ARHGAP15: variants seen among roughly 807,000 people sequenced by gnomAD.
ARHGAP15 encodes the protein Rho GTPase activating protein 15.
ARHGAP15 carries 51 observed loss-of-function variants against 63.7 expected under a neutral mutation model. The ratio of observed to expected loss-of-function variants is 0.80; its 90% CI spans 0.64 to 1.01. The LOEUF (loss-of-function observed/expected upper bound fraction) is 1.01, where lower values mean the gene tolerates loss of function less well. Ranked by LOEUF, ARHGAP15 falls within the 50% of genes least tolerant of loss-of-function variation. The pLI, the probability that ARHGAP15 is intolerant of heterozygous loss-of-function variation, is 0.00. For synonymous variants in ARHGAP15, 191 were observed against 193.8 expected (o/e 0.99, Z 0.12); for missense variants, 560 against 564.6 (o/e 0.99, Z 0.08).
chr2:143,268,165 A>G lies in ARHGAP15; in HGVS notation c.474+17565A>G, dbSNP rs562976938. ...GTAACTATCATGGCAAACTAATTTT[A>G]TAGAGTGTAGTTTTTTTTTTTTTTC... On this transcript the variant is annotated intron_variant, in intron 6 of 13. Coordinates refer to ENST00000295095, the MANE Select transcript of ARHGAP15 (RefSeq NM_018460.4). 7.3e-5 allele frequency among the ~76,000 whole-genome samples: 11 copies of G among 151,510 alleles called. No homozygotes were observed. In the South Asian group the frequency reaches 2.1e-3, roughly 29 times the overall value.
Position 143,305,212 on chromosome 2 carries a change from C to T in ARHGAP15, c.474+54612C>T, listed in dbSNP as rs559940242. Among the ~76,000 whole-genome samples the T allele has an allele frequency of 4.2e-4, 63 of 150,878 alleles. 1 individual carries two copies. Among genetic ancestry groups the T allele is most frequent in the African/African-American group, 1.5e-3 (62 of 41,044 alleles). On this transcript the variant is annotated intron_variant, in intron 6 of 13. Coordinates refer to ENST00000295095, the MANE Select transcript of ARHGAP15 (RefSeq NM_018460.4). ...TGAAGCTGGAAACCATCATTCTCAGCAAACTAACACAGGAAGAGAAAACAA... is the reference window on the plus strand; with the variant it reads ...TGAAGCTGGAAACCATCATTCTCAGTAAACTAACACAGGAAGAGAAAACAA...
At chr2:143,136,362 A>T (rs1689141717) in intron 1 of ARHGAP15, among the ~76,000 whole-genome samples, 1 of 151,370 alleles carries the variant, frequency 6.6e-6, no homozygotes, top group African/African-American at 2.4e-5. Flanking sequence ...TGACTTTTCT[A>T]AAAAAATCTT....
chr2:143,466,114 G>A (rs968583237), intron 8 of ARHGAP15, among the ~76,000 whole-genome samples: 4 of 151,672 alleles, frequency 2.6e-5, no homozygotes, highest in African/African-American at 4.8e-5. Flanking sequence ...GGGTGAGCTC[G>A]GGTCCCAGCA....
At position 143,298,760 on chromosome 2, in the gene ARHGAP15, T is replaced by G. The variant is rs567587882; in HGVS notation, c.474+48160T>G. On this transcript the variant is annotated intron_variant, in intron 6 of 13. Coordinates refer to ENST00000295095, the MANE Select transcript of ARHGAP15 (RefSeq NM_018460.4). Reference sequence around the variant, plus strand: ...TTGGGAAGTGATTATCACAATAATTTACATATTATAAATTATCAAAGTAAA... The same window carrying G: ...TTGGGAAGTGATTATCACAATAATTGACATATTATAAATTATCAAAGTAAA... Among the ~76,000 whole-genome samples the G allele has an allele frequency of 6.8e-4, 103 of 152,104 alleles. 1 individual carries two copies. The South Asian group carries it at 0.021, about 31-fold the overall frequency.
intron 10 of ARHGAP15, among the ~76,000 whole-genome samples, chr2:143,539,824 A>T (rs139092073): frequency 0.33 from 50,328 of 151,132 alleles, 8,611 homozygotes; most frequent in East Asian, 0.42. Context: ...TTGGAATAGG[A>T]GTGGTGTGGT....
chr2:143,566,080 G>A (rs1014028810), intron 11 of ARHGAP15, among the ~76,000 whole-genome samples: 3 of 144,452 alleles, frequency 2.1e-5, no homozygotes, highest in Non-Finnish European at 3.0e-5. Context: ...AGTAACAGTT[G>A]CAGAGATGGG....
intron 5 of ARHGAP15, among the ~76,000 whole-genome samples, chr2:143,235,742 A>G (rs1693617415): frequency 1.3e-5 from 2 of 152,158 alleles, no homozygotes; most frequent in Non-Finnish European, 2.9e-5. Context: ...AAGCACCCAC[A>G]CTAGTGTTTG....
chr2:143,334,374 T>G (rs948920766), intron 6 of ARHGAP15, among the ~76,000 whole-genome samples: 1 of 152,340 alleles, frequency 6.6e-6, no homozygotes, highest in South Asian at 2.1e-4. Context: ...CCTTATTTTT[T>G]TCTAGACTTA....
At chr2:143,475,976 G>A (rs746555357) in intron 8 of ARHGAP15, among the ~76,000 whole-genome samples, 3 of 152,170 alleles carry the variant, frequency 2.0e-5, no homozygotes, top group Non-Finnish European at 2.9e-5. Flanking sequence ...TTAAAGCATT[G>A]TTGGAGTTAA....
intron 11 of ARHGAP15, among the ~76,000 whole-genome samples, chr2:143,560,381 A>G (rs907709333): frequency 6.6e-6 from 1 of 152,196 alleles, no homozygotes; most frequent in African/African-American, 2.4e-5. Flanking sequence ...CATCCCATAG[A>G]GTAGGCACTA....
chr2:143,645,329 A>G (rs1159269021), intron 12 of ARHGAP15, among the ~76,000 whole-genome samples: 2 of 152,094 alleles, frequency 1.3e-5, no homozygotes, highest in African/African-American at 2.4e-5. Context: ...TTTGTACCAT[A>G]TAATTATTAT....
chr2:143,227,421 C>T (rs1259140819), intron 4 of ARHGAP15, among the ~76,000 whole-genome samples: 2 of 152,104 alleles, frequency 1.3e-5, no homozygotes, highest in Admixed American at 6.5e-5. Flanking sequence ...TAAAGATGAA[C>T]TGATTTCTAC....
At chr2:143,720,983 G>A (rs1685029507) in intron 13 of ARHGAP15, among the ~76,000 whole-genome samples, 1 of 149,704 alleles carries the variant, frequency 6.7e-6, no homozygotes, top group Non-Finnish European at 1.5e-5. Flanking sequence ...GCAGAATGGT[G>A]TGAACCTGGG....
intron 6 of ARHGAP15, among the ~76,000 whole-genome samples, chr2:143,265,340 T>C (rs1680936139): frequency 6.6e-6 from 1 of 151,950 alleles, no homozygotes. Context: ...TAGGAGCAGA[T>C]AGAGCTACAG....
At chr2:143,438,950 T>G (rs1689736678) in intron 8 of ARHGAP15, among the ~76,000 whole-genome samples, 1 of 152,094 alleles carries the variant, frequency 6.6e-6, no homozygotes, top group Non-Finnish European at 1.5e-5. Flanking sequence ...TTTGCAAAAA[T>G]GTATTTGAGA....
At chr2:143,684,236 C>A (rs1683227427) in intron 12 of ARHGAP15, among the ~76,000 whole-genome samples, 1 of 152,144 alleles carries the variant, frequency 6.6e-6, no homozygotes. Flanking sequence ...GGTAAATCAT[C>A]CACTACACAC....
intron 10 of ARHGAP15, among the ~76,000 whole-genome samples, chr2:143,550,036 G>C (rs1695487987): frequency 6.6e-6 from 1 of 152,170 alleles, no homozygotes; most frequent in East Asian, 1.9e-4. Flanking sequence ...AGAGATAATA[G>C]AGGGAAAACA....
intron 12 of ARHGAP15, among the ~76,000 whole-genome samples, chr2:143,677,783 G>A (rs148686834): frequency 1.7e-4 from 26 of 152,262 alleles, no homozygotes; most frequent in African/African-American, 5.8e-4. Context: ...AAAACTCAAA[G>A]ATACATAATA....
chr2:143,193,660 A>G (rs1691763275), intron 2 of ARHGAP15, among the ~76,000 whole-genome samples: 1 of 152,200 alleles, frequency 6.6e-6, no homozygotes. Context: ...ATAATTGTTC[A>G]AAGCTTGGCT....
Sources: gnomAD v4.1 joint callset for allele counts (sites outside exome capture counted in the v4.1 genomes callset) on GRCh38, gnomAD v4.1.1 for gene constraint, MANE v1.5 for transcripts, NCBI Gene and HGNC (gene_info 2026-07-23, HGNC 2026-07-21) for gene names.